HDAC9: variants seen among roughly 807,000 people sequenced by gnomAD.
The protein encoded by HDAC9 is histone deacetylase 9, also known as MEF-2 interacting transcription repressor (MITR) protein.
Under a neutral mutation model 139.4 loss-of-function variants are expected in HDAC9, and 41 were observed. The observed-to-expected ratio is 0.29, with a 90% CI of 0.23 to 0.38. HDAC9 has a LOEUF of 0.38. HDAC9 is among the 10% of genes least tolerant of loss of function. The probability of loss-of-function intolerance (pLI) is 1.00; values close to 1 mark genes in which losing one functional copy is unlikely to be tolerated. For synonymous variants in HDAC9, 517 were observed against 476.2 expected (o/e 1.09, Z -1.12); for missense variants, 1,147 against 1,297.0 (o/e 0.88, Z 1.78).
At chr7:18,450,987 T>C (rs1201024231) in intron 1 of HDAC9, among the ~76,000 whole-genome samples, 1 of 152,196 alleles carries the variant, frequency 6.6e-6, no homozygotes, top group Non-Finnish European at 1.5e-5. Context: ...TGTATACATA[T>C]ACATACCGCT....
At position 18,368,354 on chromosome 7, in the gene HDAC9, T is replaced by G. The variant is rs4628174; in HGVS notation, c.-42+77839T>G. Among the ~76,000 whole-genome samples, 1,168 of 152,162 alleles carry G rather than the reference T, an allele frequency of 7.7e-3. 19 individuals carry two copies. The highest frequency in any genetic ancestry group is 0.027 in the African/African-American group (1,124 of 41,540). On this transcript the variant is annotated intron_variant, in intron 1 of 3. Transcript: ENST00000413509. The stretch of plus-strand genomic sequence containing the variant: ...AGGTGCAGATCCAGTTTCATTTTTG[T>G]TTTCCATATGGTTAGCCAAGTATCC...
chr7:18,735,779 T>C (rs1786828969), intron 13 of HDAC9, among the ~76,000 whole-genome samples: 2 of 152,226 alleles, frequency 1.3e-5, no homozygotes, highest in South Asian at 2.1e-4. Context: ...AGAAAGTCAA[T>C]AGTAGCTTGA....
intron 21 of HDAC9, among the ~76,000 whole-genome samples, chr7:18,838,535 T>A (rs1276674489): frequency 1.3e-5 from 2 of 152,008 alleles, no homozygotes; most frequent in Non-Finnish European, 2.9e-5. Flanking sequence ...ATGAATCATA[T>A]TTTGTAAACT....
At chr7:18,875,665 A>G (rs1184501539) in intron 22 of HDAC9, among the ~76,000 whole-genome samples, 1 of 151,986 alleles carries the variant, frequency 6.6e-6, no homozygotes, top group African/African-American at 2.4e-5. Context: ...TACAAAGACA[A>G]ACAAAGCAAA....
intron 12 of HDAC9, among the ~76,000 whole-genome samples, chr7:18,695,076 A>T (rs564023907): frequency 6.6e-6 from 1 of 152,352 alleles, no homozygotes; most frequent in African/African-American, 2.4e-5. Context: ...ACTTAACATT[A>T]TTCTAAACAA....
At chr7:18,602,960 C>T (rs1191848979) in intron 6 of HDAC9, among the ~76,000 whole-genome samples, 2 of 151,984 alleles carry the variant, frequency 1.3e-5, no homozygotes, top group African/African-American at 4.8e-5. Flanking sequence ...GGTTTTGCCT[C>T]ATGTATTTTG....
chr7:18,657,792 T>C (rs938102306), intron 11 of HDAC9, among the ~76,000 whole-genome samples: 10 of 152,148 alleles, frequency 6.6e-5, no homozygotes, highest in African/African-American at 1.9e-4. Context: ...CAAATCATGT[T>C]ATGGTTAAAA....
chr7:18,540,549 A>C (rs1812483502), intron 2 of HDAC9, among the ~76,000 whole-genome samples: 1 of 152,194 alleles, frequency 6.6e-6, no homozygotes, highest in South Asian at 2.1e-4. Flanking sequence ...TTATTGCATG[A>C]AGTCAGGGTG....
At chr7:18,234,834 T>G (rs1475932008) in intron 2 of HDAC9, among the ~76,000 whole-genome samples, 1 of 152,224 alleles carries the variant, frequency 6.6e-6, no homozygotes, top group East Asian at 1.9e-4. Context: ...TGATGGTAGC[T>G]TCTGAATTCA....
chr7:18,215,173 A>C (rs62449109), intron 2 of HDAC9, among the ~76,000 whole-genome samples: 6 of 152,076 alleles, frequency 3.9e-5, no homozygotes, highest in Admixed American at 3.9e-4. Flanking sequence ...CAATTACTGA[A>C]CTCTATTTTT....
intron 16 of HDAC9, among the ~76,000 whole-genome samples, chr7:18,782,230 G>C (rs912626004): frequency 1.3e-5 from 2 of 152,040 alleles, no homozygotes; most frequent in Non-Finnish European, 2.9e-5. Context: ...TCTGAGGAAG[G>C]ATAGTGTACC....
chr7:18,159,566 G>T (rs566375439), intron 1 of HDAC9, among the ~76,000 whole-genome samples: 2 of 152,288 alleles, frequency 1.3e-5, no homozygotes, highest in East Asian at 3.9e-4. Flanking sequence ...TGGGTGTGAG[G>T]AGAGGGAAGC....
intron 1 of HDAC9, among the ~76,000 whole-genome samples, chr7:18,299,785 C>T (rs1366213533): frequency 6.6e-6 from 1 of 152,172 alleles, no homozygotes; most frequent in African/African-American, 2.4e-5. Flanking sequence ...CATTCAGGGG[C>T]TCTGCAATGT....
At chr7:18,146,197 A>C (rs951880224) in intron 1 of HDAC9, among the ~76,000 whole-genome samples, 1 of 152,202 alleles carries the variant, frequency 6.6e-6, no homozygotes, top group East Asian at 1.9e-4. Context: ...TTTGATTATA[A>C]CTTAATGTCT....
At chr7:18,891,006 CATA>C (rs1319598343) in intron 22 of HDAC9, among the ~76,000 whole-genome samples, 1 of 152,178 alleles carries the variant, frequency 6.6e-6, no homozygotes, top group African/African-American at 2.4e-5. Context: ...ATCTGGGTTT[CATA>C]GCACGTATTT....
intron 1 of HDAC9, among the ~76,000 whole-genome samples, chr7:18,328,490 G>A (rs1244388313): frequency 6.6e-6 from 1 of 151,838 alleles, no homozygotes; most frequent in African/African-American, 2.4e-5. Flanking sequence ...GAATACACAC[G>A]TAAACCCACT....
chr7:18,647,547 CT>C (rs1381150733), intron 9 of HDAC9, among the ~76,000 whole-genome samples: 1 of 152,024 alleles, frequency 6.6e-6, no homozygotes, highest in East Asian at 1.9e-4. Context: ...ATTATAAAAC[CT>C]TTTTATGTTC....
chr7:18,689,883 A>G (rs1422581248), intron 12 of HDAC9, among the ~76,000 whole-genome samples: 1 of 149,858 alleles, frequency 6.7e-6, no homozygotes, highest in East Asian at 1.9e-4. Context: ...TTTATTAAGA[A>G]AAGAAATCAC....
chr7:18,564,159 T>G (rs1205347374), intron 2 of HDAC9, among the ~76,000 whole-genome samples: 1 of 151,982 alleles, frequency 6.6e-6, no homozygotes, highest in African/African-American at 2.4e-5. Flanking sequence ...TTGACAACAA[T>G]GACTATTCTC....
Sources: allele counts gnomAD v4.1 joint callset (sites outside exome capture counted in the v4.1 genomes callset), GRCh38; gene constraint gnomAD v4.1.1; transcripts MANE v1.5; gene names NCBI Gene and HGNC (gene_info 2026-07-23, HGNC 2026-07-21).